Variants in QRICH2 observed in about 807,000 individuals in gnomAD.
The protein encoded by QRICH2 is glutamine-rich protein 2.
In QRICH2, 119 loss-of-function variants were observed where a neutral mutation model predicts 168.3. The ratio of observed to expected loss-of-function variants is 0.71; its 90% CI spans 0.61 to 0.82. The LOEUF is 0.82. QRICH2 is among the 40% of genes least tolerant of loss of function. The pLI, the probability that QRICH2 is intolerant of heterozygous loss-of-function variation, is 0.00. For synonymous variants in QRICH2, 894 were observed against 951.2 expected (o/e 0.94, Z 1.11); for missense variants, 2,241 against 2,491.6 (o/e 0.90, Z 2.14).
intron 1 of QRICH2, among the ~76,000 whole-genome samples, chr17:76,305,328 T>C (rs2143406458): frequency 6.6e-6 from 1 of 152,170 alleles, no homozygotes; most frequent in African/African-American, 2.4e-5. Flanking sequence ...CACATCCAGC[T>C]AATTTTAAAC....
intron 1 of QRICH2, among the ~76,000 whole-genome samples, chr17:76,305,427 C>T (rs370744155): frequency 6.6e-6 from 1 of 152,140 alleles, no homozygotes; most frequent in South Asian, 2.1e-4. Flanking sequence ...CGGCCTCCCA[C>T]AGTGCTGAGA....
In QRICH2 at chr17:76,293,101, T is replaced by C; in HGVS notation, c.1626A>G (p.Pro542=). ...QHGLVSPGLM[P]ISADQQGFVQ... is the part of the protein sequence containing the mutation. Reference sequence around the variant, plus strand: ...CAAAACCTTGCTGATCTGCACTAATTGGCATCAAACCAGGTGATACCAAAC... The same window carrying C: ...CAAAACCTTGCTGATCTGCACTAATCGGCATCAAACCAGGTGATACCAAAC... Residue 542 remains proline (P), a synonymous_variant, in exon 4 of 19, where the codon CCA becomes CCG. Coordinates refer to ENST00000680821, the MANE Select transcript of QRICH2 (RefSeq NM_001388453.1). 6.2e-7 allele frequency: 1 copy of C among 1,614,222 alleles called. No homozygotes were observed. Among genetic ancestry groups the C allele is most frequent in the South Asian group, 1.1e-5 (1 of 91,086 alleles).
chr17:76,287,242 C>A lies in QRICH2; in HGVS notation c.3961G>T (p.Ala1321Ser). 6.2e-7 allele frequency: 1 copy of A among 1,614,090 alleles called. No homozygotes were observed. The highest frequency in any genetic ancestry group is 1.1e-5 in the South Asian group (1 of 91,082). ...ELRESQDRGK[A>S]AMENSVSEAS... ...TCAGAGACAGAATTTTCCATGGCAG[C>A]CTTGCCCCTGTCTTGGCTCTCCCTC... The change falls in exon 7 of 19, where the codon GCT (alanine) becomes TCT (serine). Residue 1321 changes from alanine (A) to serine (S), a missense_variant. Around this residue, in one of 3 missense-constraint regions of QRICH2, gnomAD observed 2,047 missense variants for 2,303.8 expected, o/e 0.89. Coordinates refer to ENST00000680821, the MANE Select transcript of QRICH2 (RefSeq NM_001388453.1).
chr17:76,280,981 C>T lies in QRICH2; in HGVS notation c.4264-28G>A, dbSNP rs768110444. On this transcript the variant is annotated intron_variant, in intron 8 of 18. Transcript: ENST00000680821. The surrounding 1 kb of genome is among the most constrained non-coding windows in gnomAD (Gnocchi z 7.4). ...GCGGCAGGAGGGATGGGAAGGCTCT[C>T]GGAGGCTGCTGGCGCGATCCCACCC... 39 of 1,601,544 alleles carry T rather than the reference C, an allele frequency of 2.4e-5. No individual in the cohort carries two copies. Among genetic ancestry groups the T allele is most frequent in the Admixed American group, 1.3e-4 (8 of 59,854 alleles).
At chr17:76,305,171 T>TTTC in intron 1 of QRICH2, among the ~76,000 whole-genome samples, 1 of 149,160 alleles carries the variant, frequency 6.7e-6, no homozygotes, top group African/African-American at 2.5e-5. Context: ...TTTCCTTTTT[T>TTTC]TTTTTTTTTT....
Position 76,307,393 on chromosome 17 carries a change from G to A in QRICH2, c.534+72C>T. The A allele has an allele frequency of 6.5e-7, 1 of 1,546,176 alleles. No individual in the cohort carries two copies. Among genetic ancestry groups the A allele is most frequent in the Non-Finnish European group, 8.9e-7 (1 of 1,121,764 alleles). On this transcript the variant is annotated intron_variant, in intron 1 of 18. Coordinates refer to ENST00000680821, the MANE Select transcript of QRICH2 (RefSeq NM_001388453.1). The surrounding 1 kb of genome is among the most constrained non-coding windows in gnomAD (Gnocchi z 5.3). ...ACCGCTCACCCCTCCAGGGTGGTGG[G>A]GACTCGGCTAGGCCTGGAGGGCGGC...
rs945594758 is a variant in QRICH2 at position 76,308,189 on chromosome 17, G to A, written c.-191C>T. 3 of 985,400 alleles carry A rather than the reference G, an allele frequency of 3.0e-6. No individual in the cohort carries two copies. Among genetic ancestry groups the A allele is most frequent in the Non-Finnish European group, 3.6e-6 (3 of 829,912 alleles). The allele number at this position is 985,400 out of a possible 1,614,324, so 61.0% of individuals were successfully genotyped here. A position where few individuals can be genotyped will look rare whatever the true frequency, so the allele number is the denominator to read the frequency against. ...GCGCCTCCGCTCCCCGGCGGGGTCC[G>A]CGATGGCCACCCCTCCGCTGTCTGT... On this transcript the variant is annotated 5_prime_UTR_variant, in exon 1 of 19. Transcript: ENST00000680821.
chr17:76,303,116 G>T (rs938192256), intron 3 of QRICH2, among the ~76,000 whole-genome samples: 1 of 151,896 alleles, frequency 6.6e-6, no homozygotes, highest in East Asian at 1.9e-4. Context: ...ACTCCTGAAC[G>T]CAAGTGATCC....
chr17:76,307,947 C>A lies in QRICH2; in HGVS notation c.52G>T (p.Gly18Cys), dbSNP rs906922774. 8.1e-7 allele frequency: 1 copy of A among 1,234,730 alleles called. No individual in the cohort carries two copies. The highest frequency in any genetic ancestry group is 3.2e-5 in the East Asian group (1 of 31,718). The allele number at this position is 1,234,730 out of a possible 1,614,324, so 76.5% of individuals were successfully genotyped here. A position where few individuals can be genotyped will look rare whatever the true frequency, so the allele number is the denominator to read the frequency against. The part of the protein sequence containing the change: ...SLRELADLSI[G>C]TPEVGAVNFT... ...TTGACGGCGCCCACCTCTGGCGTGC[C>A]GATGGAGAGGTCCGCCAGCTCCCGG... Residue 18 changes from glycine (G) to cysteine (C), a missense_variant, in exon 1 of 19, where the codon GGC becomes TGC. Coordinates refer to ENST00000680821, the MANE Select transcript of QRICH2 (RefSeq NM_001388453.1). The surrounding 1 kb of genome is among the most constrained non-coding windows in gnomAD (Gnocchi z 5.3).
intron 15 of QRICH2, among the ~76,000 whole-genome samples, chr17:76,277,767 CACACACACCCTT>C (rs1047883879): frequency 2.6e-5 from 4 of 152,140 alleles, no homozygotes; most frequent in African/African-American, 9.6e-5. Context: ...CGCACTCATA[CACACACACCCTT>C]ACACACACTC....
intron 6 of QRICH2, 53 bp downstream of exon 6, chr17:76,287,747 G>C (rs1568113409): frequency 7.2e-7 from 1 of 1,388,348 alleles, no homozygotes; most frequent in Non-Finnish European, 1.0e-6. Context: ...CACCTCCTTG[G>C]CTGAGAATTC....
At position 76,291,358 on chromosome 17, in the gene QRICH2, C is replaced by G. The variant is rs1188703981; in HGVS notation, c.3369G>C (p.Gln1123His). 1 of 1,614,134 alleles carries G rather than the reference C, an allele frequency of 6.2e-7. No individual in the cohort carries two copies. Among genetic ancestry groups the G allele is most frequent in the Admixed American group, 1.7e-5 (1 of 60,004 alleles). The change falls in exon 4 of 19, where the codon CAG becomes CAC. Residue 1123 changes from glutamine to histidine, a missense_variant. This residue lies in a region of QRICH2 where 2,047 missense variants were observed against 2,303.8 expected (regional missense o/e 0.89). Transcript: ENST00000680821. Reference sequence around the variant, plus strand: ...TTGGATCCAAACCTTCCTGGCCATGCTGATCAGCACTTAGATACCCTGGGC... The same window carrying G: ...TTGGATCCAAACCTTCCTGGCCATGGTGATCAGCACTTAGATACCCTGGGC... ...YRGPGYLSAD[Q>H]HGQEGLDPNR...
chr17:76,305,158 T>C (rs1598506905), intron 1 of QRICH2, among the ~76,000 whole-genome samples: 1 of 141,162 alleles, frequency 7.1e-6, no homozygotes, highest in Admixed American at 7.1e-5. Context: ...TGGGTTTTTT[T>C]GGTTTCCTTT....
Position 76,278,194 on chromosome 17 carries a change from A to G in QRICH2, c.4917-5T>C, listed in dbSNP as rs375704219. On this transcript the variant is annotated splice_polypyrimidine_tract_variant and splice_region_variant and intron_variant, in intron 14 of 18. Coordinates refer to ENST00000680821, the MANE Select transcript of QRICH2 (RefSeq NM_001388453.1). ...AAGGCGCTGCCCAGCTTGAGGCTGC[A>G]GGGTGTGAGCAGAACAGAGGGAGGG... 9 of 1,603,434 alleles carry G rather than the reference A, an allele frequency of 5.6e-6. No individual in the cohort carries two copies. The African/African-American group carries it at 8.0e-5, about 14-fold the overall frequency.
At position 76,285,836 on chromosome 17, in the gene QRICH2, C is replaced by T. The variant is rs141717163; in HGVS notation, c.4011+1356G>A. Reference sequence around the variant, plus strand: ...TTCCCTCCAGCCTGGATAACAAGAGCGAAACTCCATCTCCAAAAACAAAAC... The same window carrying T: ...TTCCCTCCAGCCTGGATAACAAGAGTGAAACTCCATCTCCAAAAACAAAAC... On this transcript the variant is annotated intron_variant, in intron 7 of 18. Transcript: ENST00000680821. 3.6e-3 allele frequency among the ~76,000 whole-genome samples: 537 copies of T among 149,816 alleles called. 5 individuals carry two copies. Among genetic ancestry groups the T allele is most frequent in the Non-Finnish European group, 6.0e-3 (408 of 67,578 alleles).
chr17:76,307,840 C>A lies in QRICH2; in HGVS notation c.159G>T (p.Ser53=). 7.8e-7 allele frequency: 1 copy of A among 1,280,074 alleles called. No homozygotes were observed. The highest frequency in any genetic ancestry group is 2.8e-5 in the South Asian group (1 of 35,442). The allele number at this position is 1,280,074 out of a possible 1,614,324, so 79.3% of individuals were successfully genotyped here. ...GCAGCGAGCGGCTGGGCTCGGGCGA[C>A]GAGGGCTGGAAGTCGATCCGGGTAT... The part of the protein sequence containing the change: ...LQNTRIDFQP[S]SPEPSRSLQS... Residue 53 remains serine, a synonymous_variant, in exon 1 of 19, where the codon TCG becomes TCT. Coordinates refer to ENST00000680821, the MANE Select transcript of QRICH2 (RefSeq NM_001388453.1). The surrounding 1 kb of genome is among the most constrained non-coding windows in gnomAD (Gnocchi z 5.3).
At chr17:76,288,150 G>A (rs1238792925) in intron 5 of QRICH2, among the ~76,000 whole-genome samples, 3 of 151,996 alleles carry the variant, frequency 2.0e-5, no homozygotes, top group Non-Finnish European at 2.9e-5. Context: ...TTGAGAGGCC[G>A]AGGCGGGTGG....
chr17:76,307,579 A>C lies in QRICH2; in HGVS notation c.420T>G (p.Leu140=). 1 of 1,567,466 alleles carries C rather than the reference A, an allele frequency of 6.4e-7. No homozygotes were observed. Among genetic ancestry groups the C allele is most frequent in the South Asian group, 1.2e-5 (1 of 85,258 alleles). Residue 140 remains leucine (L), a synonymous_variant, in exon 1 of 19, where the codon CTT becomes CTG. Transcript: ENST00000680821. The surrounding 1 kb of genome is among the most constrained non-coding windows in gnomAD (Gnocchi z 5.3). The stretch of plus-strand genomic sequence containing the variant: ...CCGGCCACTCTAGCGCGGCCAGGTC[A>C]AGCCCGCTGGCCTGGGAGAAGTGCT... ...HVQHFSQASG[L]DLAALEWPEE... is the part of the protein sequence containing the mutation.
intron 15 of QRICH2, among the ~76,000 whole-genome samples, chr17:76,277,661 C>T (rs926498076): frequency 2.6e-5 from 4 of 151,472 alleles, no homozygotes; most frequent in Non-Finnish European, 4.4e-5. Flanking sequence ...CATACACATG[C>T]ACACACACAC....
Sources: gnomAD v4.1 joint callset for allele counts (sites outside exome capture counted in the v4.1 genomes callset) on GRCh38, gnomAD v4.1.1 for gene constraint, gnomAD v4.1.1 regional missense constraint, Gnocchi (gnomAD v3.1) non-coding constraint, MANE v1.5 for transcripts, NCBI Gene and HGNC (gene_info 2026-07-23, HGNC 2026-07-21) for gene names.